ZNF438: variants seen among roughly 807,000 people sequenced by gnomAD.
The protein encoded by ZNF438 is zinc finger protein 438.
ZNF438 carries 25 observed loss-of-function variants against 38.0 expected under a neutral mutation model. That is an observed-to-expected ratio of 0.66 (90% CI 0.48 to 0.92). The LOEUF is 0.92. ZNF438 is among the 40% of genes least tolerant of loss of function. The pLI is 0.00. For synonymous variants in ZNF438, 372 were observed against 364.1 expected (o/e 1.02, Z -0.25); for missense variants, 1,007 against 999.6 (o/e 1.01, Z -0.10).
chr10:30,845,656 G>A, intron 5 of ZNF438, 83 bp from the exon 7 acceptor site: 1 of 1,490,998 alleles, frequency 6.7e-7, no homozygotes, highest in Non-Finnish European at 9.0e-7. Flanking sequence ...AGCCTTCAGG[G>A]ATCTAAAACA....
intron 1 of ZNF438, among the ~76,000 whole-genome samples, chr10:30,981,362 G>A (rs2052114747): frequency 6.6e-6 from 1 of 152,100 alleles, no homozygotes; most frequent in Non-Finnish European, 1.5e-5. Context: ...AGTTTACTAC[G>A]TGTTTATGGA....
intron 3 of ZNF438, among the ~76,000 whole-genome samples, chr10:30,889,720 T>C (rs1289848126): frequency 6.6e-6 from 1 of 152,186 alleles, no homozygotes. Flanking sequence ...CACATATTTC[T>C]GAATGTCAGT....
intron 3 of ZNF438, among the ~76,000 whole-genome samples, chr10:30,885,125 G>A (rs969153125): frequency 2.0e-5 from 3 of 152,180 alleles, no homozygotes; most frequent in Non-Finnish European, 4.4e-5. Context: ...TCAGATAAAT[G>A]CCATAATATA....
At chr10:30,947,203 G>A (rs370608988) in intron 1 of ZNF438, among the ~76,000 whole-genome samples, 1 of 152,298 alleles carries the variant, frequency 6.6e-6, no homozygotes, top group African/African-American at 2.4e-5. Context: ...TCATTCTCGA[G>A]TTGAAGGCCA....
chr10:30,991,620 T>C (rs2053509097), intron 1 of ZNF438, among the ~76,000 whole-genome samples: 1 of 152,132 alleles, frequency 6.6e-6, no homozygotes. Flanking sequence ...ACAGCAGCCC[T>C]TAAGGACAAA....
chr10:30,845,628 T>A, intron 5 of ZNF438, 55 bp from the exon 7 acceptor site: 1 of 1,554,722 alleles, frequency 6.4e-7, no homozygotes, highest in Non-Finnish European at 8.7e-7. Context: ...GCAATTGGAA[T>A]CTTTCCTCTC....
chr10:30,978,254 TCG>T (rs1400015498), intron 1 of ZNF438, among the ~76,000 whole-genome samples: 2 of 152,188 alleles, frequency 1.3e-5, no homozygotes, highest in East Asian at 3.8e-4. Context: ...TATTGAGAAT[TCG>T]TCTACTCTCT....
intron 1 of ZNF438, among the ~76,000 whole-genome samples, chr10:30,975,041 C>T (rs1264450020): frequency 6.6e-6 from 1 of 152,116 alleles, no homozygotes; most frequent in African/African-American, 2.4e-5. Context: ...AGTCTAGCTA[C>T]ATAATCATCC....
At chr10:30,914,330 T>G (rs1483106846) in intron 2 of ZNF438, among the ~76,000 whole-genome samples, 1 of 151,946 alleles carries the variant, frequency 6.6e-6, no homozygotes, top group Admixed American at 6.6e-5. Flanking sequence ...AGTGGGAAGG[T>G]AGATGAGTGT....
intron 4 of ZNF438, chr10:30,857,711 C>T (rs1232868510): frequency 5.3e-6 from 8 of 1,506,564 alleles, no homozygotes; most frequent in East Asian, 2.5e-5. Context: ...TCCAGAAAGG[C>T]TGTTGGATAT....
chr10:31,027,091 G>A lies in ZNF438; in HGVS notation c.-192+4742C>T, dbSNP rs892849404. 1.3e-3 allele frequency among the ~76,000 whole-genome samples: 190 copies of A among 150,088 alleles called. 2 individuals are homozygous for A. The highest frequency in any genetic ancestry group is 1.8e-3 in the Non-Finnish European group (119 of 67,598). On this transcript the variant is annotated intron_variant, in intron 1 of 5. Coordinates refer to ENST00000413025, the Ensembl canonical transcript of ZNF438. Reference sequence around the variant, plus strand: ...GGACCATCACATACCAGTGCCTGTCGTGGGGTCGGGGGAGGGGGAAGGGAT... The same window carrying A: ...GGACCATCACATACCAGTGCCTGTCATGGGGTCGGGGGAGGGGGAAGGGAT...
chr10:30,973,664 T>A (rs1156964755), intron 1 of ZNF438, among the ~76,000 whole-genome samples: 2 of 152,206 alleles, frequency 1.3e-5, no homozygotes, highest in Non-Finnish European at 2.9e-5. Flanking sequence ...ACTTTTCAAC[T>A]AATTTTTAGT....
intron 2 of ZNF438, among the ~76,000 whole-genome samples, chr10:30,930,851 T>C (rs969103857): frequency 3.1e-5 from 4 of 129,188 alleles, no homozygotes; most frequent in Non-Finnish European, 6.4e-5. Flanking sequence ...GGTTCTTTCC[T>C]AAAACCAGAA....
At chr10:30,998,066 A>G (rs1440753865) in intron 1 of ZNF438, among the ~76,000 whole-genome samples, 2 of 152,228 alleles carry the variant, frequency 1.3e-5, no homozygotes, top group African/African-American at 2.4e-5. Flanking sequence ...AAAGCATTCT[A>G]ACTGATATAG....
At chr10:30,915,799 G>A (rs931439416) in intron 2 of ZNF438, among the ~76,000 whole-genome samples, 1 of 151,994 alleles carries the variant, frequency 6.6e-6, no homozygotes, top group African/African-American at 2.4e-5. Flanking sequence ...TAAATTCATT[G>A]ATGGGTCAAT....
At chr10:30,866,847 C>A (rs1478194167) in intron 4 of ZNF438, among the ~76,000 whole-genome samples, 1 of 147,696 alleles carries the variant, frequency 6.8e-6, no homozygotes, top group Admixed American at 6.8e-5. Flanking sequence ...AAAAAAAAAC[C>A]AAAAACGAAA....
chr10:30,949,939 T>A (rs1239872332), intron 1 of ZNF438, among the ~76,000 whole-genome samples: 14 of 152,158 alleles, frequency 9.2e-5, no homozygotes, highest in Admixed American at 8.5e-4. Context: ...ATCAACAGAA[T>A]ATACATTTTT....
chr10:30,849,479 T>G (rs2033097184), exon 5 of ZNF438: 2 of 1,614,108 alleles, frequency 1.2e-6, no homozygotes, highest in African/African-American at 2.7e-5. Flanking sequence ...AGCATCTGAT[T>G]TGATTTTGTA....
intron 1 of ZNF438, among the ~76,000 whole-genome samples, chr10:31,022,692 T>A (rs1008165420): frequency 2.6e-5 from 4 of 152,174 alleles, no homozygotes; most frequent in Non-Finnish European, 4.4e-5. Context: ...TTCTTCTTCA[T>A]GACAATGCCC....
Sources: gnomAD v4.1 joint callset for allele counts (sites outside exome capture counted in the v4.1 genomes callset) on GRCh38, gnomAD v4.1.1 for gene constraint, MANE v1.5 for transcripts, NCBI Gene and HGNC (gene_info 2026-07-23, HGNC 2026-07-21) for gene names.